Variants in SNX29 observed in about 807,000 individuals in gnomAD.
SNX29 encodes sorting nexin 29, also known as sorting nexin-29.
Under a neutral mutation model 102.1 loss-of-function variants are expected in SNX29, and 78 were observed. The ratio of observed to expected loss-of-function variants is 0.76; its 90% CI spans 0.64 to 0.92. The LOEUF (loss-of-function observed/expected upper bound fraction) is 0.92, where lower values mean the gene tolerates loss of function less well. Ranked by LOEUF, SNX29 falls within the 40% of genes least tolerant of loss-of-function variation. SNX29 has a pLI of 0.00. For missense variants in SNX29, 1,280 were observed against 1,061.7 expected (o/e 1.21, Z -2.86); for synonymous variants, 580 against 414.5 (o/e 1.40, Z -4.85).
At chr16:12,161,143 A>G (rs2055767972) in intron 13 of SNX29, among the ~76,000 whole-genome samples, 1 of 152,154 alleles carries the variant, frequency 6.6e-6, no homozygotes, top group Non-Finnish European at 1.5e-5. Context: ...ATACCTCGTC[A>G]CGTTCTGCGG....
At chr16:12,490,525 T>G (rs1389726488) in intron 19 of SNX29, among the ~76,000 whole-genome samples, 1 of 152,262 alleles carries the variant, frequency 6.6e-6, no homozygotes, top group Non-Finnish European at 1.5e-5. Context: ...ACATACTTCT[T>G]CTGCTGGCTC....
At chr16:12,013,500 A>AAAAATATATATATATATATAT in intron 3 of SNX29, among the ~76,000 whole-genome samples, 1 of 31,630 alleles carries the variant, frequency 3.2e-5, no homozygotes, top group Admixed American at 5.6e-4. Flanking sequence ...AAAAAAAAAA[A>AAAAATATATATATATATATAT]ATATATATAT....
At chr16:12,142,285 C>A (rs2054894083) in intron 13 of SNX29, among the ~76,000 whole-genome samples, 1 of 152,320 alleles carries the variant, frequency 6.6e-6, no homozygotes, top group East Asian at 1.9e-4. Context: ...TCCCCAAGGT[C>A]GCTGGCTTTT....
Position 12,019,800 on chromosome 16 carries a change from C to T in SNX29, c.123-7520C>T, listed in dbSNP as rs145371761. Among the ~76,000 whole-genome samples, 557 of 151,420 alleles carry T rather than the reference C, an allele frequency of 3.7e-3. 6 individuals carry two copies. The highest frequency in any genetic ancestry group is 0.013 in the African/African-American group (537 of 41,318). On this transcript the variant is annotated intron_variant, in intron 3 of 20. Coordinates refer to ENST00000566228, the MANE Select transcript of SNX29 (RefSeq NM_032167.5). ...TACAGGCACGTACCACCACACCCGA[C>T]TTTTTTTTGTATTTTTAGTAGAAAC...
intron 15 of SNX29, among the ~76,000 whole-genome samples, chr16:12,283,322 T>C (rs1265451930): frequency 2.6e-5 from 4 of 151,620 alleles, no homozygotes; most frequent in Non-Finnish European, 5.9e-5. Flanking sequence ...TTTTTTTTTT[T>C]TTTCTTTTTC....
intron 11 of SNX29, among the ~76,000 whole-genome samples, chr16:12,101,301 C>CTTT (rs1212782573): frequency 1.0e-4 from 12 of 118,578 alleles, no homozygotes; most frequent in Non-Finnish European, 1.6e-4. Context: ...CCCCCCCCAA[C>CTTT]TTTTTTTTTT....
At chr16:12,558,700 A>T (rs1438794681) in intron 20 of SNX29, among the ~76,000 whole-genome samples, 1 of 152,074 alleles carries the variant, frequency 6.6e-6, no homozygotes, top group African/African-American at 2.4e-5. Context: ...ATCCACCCCC[A>T]TCCCGTTTCT....
At chr16:12,326,952 G>A (rs2081138852) in intron 15 of SNX29, among the ~76,000 whole-genome samples, 1 of 152,188 alleles carries the variant, frequency 6.6e-6, no homozygotes, top group African/African-American at 2.4e-5. Context: ...GGCAGCTGCT[G>A]CAGTTGGAGA....
chr16:12,126,597 C>G (rs755528441), intron 11 of SNX29, 36 bp from the exon 12 acceptor site: 2 of 1,609,030 alleles, frequency 1.2e-6, no homozygotes, highest in Non-Finnish European at 1.7e-6. Context: ...CAGGCAAGAC[C>G]TGCCAATTAA....
Position 12,342,825 on chromosome 16 carries a change from C to T in SNX29, c.1783-13338C>T, listed in dbSNP as rs141372471. On this transcript the variant is annotated intron_variant, in intron 15 of 20. Coordinates refer to ENST00000566228, the MANE Select transcript of SNX29 (RefSeq NM_032167.5). ...CCCCAGACCAGTACCCCACAGTGCT[C>T]GCTCACATTTGAGCACAGTCTTCCC... Among the ~76,000 whole-genome samples the T allele has an allele frequency of 9.8e-3, 1,487 of 152,252 alleles. 20 individuals are homozygous for T. The highest frequency in any genetic ancestry group is 0.034 in the African/African-American group (1,406 of 41,536).
At chr16:12,277,315 G>A (rs199969730) in intron 14 of SNX29, among the ~76,000 whole-genome samples, 5 of 152,034 alleles carry the variant, frequency 3.3e-5, no homozygotes, top group African/African-American at 4.8e-5. Context: ...CAGGAGGATC[G>A]TTTGAGCCCA....
chr16:12,128,747 C>T (rs187081465), intron 12 of SNX29, among the ~76,000 whole-genome samples: 4 of 152,224 alleles, frequency 2.6e-5, no homozygotes, highest in Non-Finnish European at 4.4e-5. Context: ...CCACCCTGCC[C>T]GGCCTTGTTT....
rs552209505 is a variant in SNX29, at chr16:12,526,115, G to A, written c.2318+1274G>A. Among the ~76,000 whole-genome samples the A allele has an allele frequency of 1.7e-4, 26 of 152,278 alleles. No individual in the cohort carries two copies. In the South Asian group the frequency reaches 3.7e-3, roughly 22 times the overall value. On this transcript the variant is annotated intron_variant, in intron 20 of 20. Coordinates refer to ENST00000566228, the MANE Select transcript of SNX29 (RefSeq NM_032167.5). ...TCCATAGAGAAGACCTGTGGGATTG[G>A]GACTTATTCGAGAAGCACTGTTCTG...
At chr16:12,345,461 A>G (rs80014761) in intron 15 of SNX29, among the ~76,000 whole-genome samples, 3,548 of 152,222 alleles carry the variant, frequency 0.023, 65 homozygotes, top group East Asian at 0.1. Flanking sequence ...TGGGAGCTCT[A>G]TCTAGCCGTG....
chr16:12,072,969 G>GTA (rs1259007532), intron 10 of SNX29, among the ~76,000 whole-genome samples: 1 of 152,172 alleles, frequency 6.6e-6, no homozygotes, highest in Non-Finnish European at 1.5e-5. Flanking sequence ...GGTGTTTGTA[G>GTA]TATACTCTGA....
chr16:12,202,251 T>A (rs977978440), intron 14 of SNX29, among the ~76,000 whole-genome samples: 10 of 152,208 alleles, frequency 6.6e-5, no homozygotes, highest in Admixed American at 3.3e-4. Flanking sequence ...CCACCCTTTT[T>A]TTTCTCTCTC....
intron 20 of SNX29, among the ~76,000 whole-genome samples, chr16:12,562,627 T>C (rs534604679): frequency 1.4e-4 from 22 of 152,314 alleles, no homozygotes; most frequent in African/African-American, 5.3e-4. Flanking sequence ...CTACAGGCTA[T>C]CAGGGTCTTC....
intron 11 of SNX29, among the ~76,000 whole-genome samples, chr16:12,107,416 C>T (rs904018830): frequency 1.3e-5 from 2 of 151,428 alleles, no homozygotes; most frequent in Admixed American, 1.3e-4. Context: ...CTTGTAATCC[C>T]AGCACTGTAG....
intron 13 of SNX29, among the ~76,000 whole-genome samples, chr16:12,168,125 T>C (rs944255443): frequency 1.3e-5 from 2 of 152,194 alleles, no homozygotes; most frequent in Non-Finnish European, 2.9e-5. Flanking sequence ...ATACTCACTT[T>C]AGTACAAAGA....
Sources: allele counts gnomAD v4.1 joint callset (sites outside exome capture counted in the v4.1 genomes callset), GRCh38; gene constraint gnomAD v4.1.1; transcripts MANE v1.5; gene names NCBI Gene and HGNC (gene_info 2026-07-23, HGNC 2026-07-21).